The following ECE1 variants were observed in gnomAD, a reference collection of about 807,000 sequenced individuals.
ECE1 encodes the protein endothelin-converting enzyme 1.
ECE1 carries 35 observed loss-of-function variants against 98.6 expected under a neutral mutation model. The observed-to-expected ratio is 0.35, with a 90% CI of 0.27 to 0.47. ECE1 has a LOEUF of 0.47. ECE1 is among the 20% of genes least tolerant of loss of function. The probability of loss-of-function intolerance (pLI) is 1.00; values close to 1 mark genes in which losing one functional copy is unlikely to be tolerated. For synonymous variants in ECE1, 394 were observed against 407.1 expected (o/e 0.97, Z 0.39); for missense variants, 814 against 1,025.3 (o/e 0.79, Z 2.81).
chr1:21,247,787 G>A (rs1226800153), intron 8 of ECE1, among the ~76,000 whole-genome samples: 1 of 152,172 alleles, frequency 6.6e-6, no homozygotes, highest in Non-Finnish European at 1.5e-5. Context: ...TGTAGACTCT[G>A]CAGCCAAACT....
At chr1:21,257,647 C>T (rs1411116860) in intron 6 of ECE1, 57 bp from the exon 7 acceptor site, 2 of 1,579,454 alleles carry the variant, frequency 1.3e-6, no homozygotes, top group Non-Finnish European at 1.7e-6. Context: ...GTATCCACTG[C>T]ACGGCCTCCT....
intron 1 of ECE1, among the ~76,000 whole-genome samples, chr1:21,336,999 T>G (rs939954756): frequency 1.3e-5 from 2 of 152,086 alleles, no homozygotes; most frequent in Non-Finnish European, 2.9e-5. Flanking sequence ...ACTGCACCAT[T>G]GCACTCCAGC....
At position 21,311,509 on chromosome 1, in the gene ECE1, C is replaced by CAAAAAAAAAAAA. The variant is rs397979522; in HGVS notation, c.4-21365_4-21354dup. Reference sequence around the variant, plus strand: ...GGAACATAGTGAGACCCTGTCTCCACAAAAAAAAAAAAAAAAAAAAATTAG... The same window carrying CAAAAAAAAAAAA: ...GGAACATAGTGAGACCCTGTCTCCACAAAAAAAAAAAAAAAAAAAAAAAAAAAAAAAAATTAG... On this transcript the variant is annotated intron_variant, in intron 1 of 18. Transcript: ENST00000415912. Among the ~76,000 whole-genome samples, 331 of 74,174 alleles carry CAAAAAAAAAAAA rather than the reference C, an allele frequency of 4.5e-3. 14 individuals carry two copies. The highest frequency in any genetic ancestry group is 0.018 in the Middle Eastern group (2 of 110). The allele number at this position is 74,174 out of a possible 152,430, so 48.7% of individuals were successfully genotyped here.
At chr1:21,227,898 A>T (rs2098176378) in intron 15 of ECE1, 33 bp downstream of exon 15, 2 of 1,524,390 alleles carry the variant, frequency 1.3e-6, no homozygotes, top group East Asian at 2.5e-5. Context: ...CTGGGGGAAA[A>T]GAATTGGGGT....
intron 3 of ECE1, among the ~76,000 whole-genome samples, chr1:21,274,330 G>A (rs1019007372): frequency 1.3e-5 from 2 of 152,194 alleles, no homozygotes; most frequent in Non-Finnish European, 2.9e-5. Flanking sequence ...GCTGAGATCC[G>A]TTTCCCCACC....
In ECE1 at chr1:21,221,870, G is replaced by T. The variant is rs1363058909; in HGVS notation, c.2041-28C>A. The T allele has an allele frequency of 5.0e-6, 8 of 1,606,134 alleles. No individual in the cohort carries two copies. In the East Asian group the frequency reaches 8.9e-5, roughly 18 times the overall value. On this transcript the variant is annotated intron_variant, in intron 17 of 18. Transcript: ENST00000374893. ...GGGAGGAGAGAAAACCAAAGCTCAG[G>T]GGTTCCCATGGCAGGTGGTGAAGGA...
chr1:21,316,168 A>C (rs973727877), intron 1 of ECE1, among the ~76,000 whole-genome samples: 3 of 152,234 alleles, frequency 2.0e-5, no homozygotes, highest in African/African-American at 7.2e-5. Flanking sequence ...ACTGTCCTTA[A>C]GGGGTTTTTC....
chr1:21,336,936 CA>C (rs1639315186), intron 1 of ECE1, among the ~76,000 whole-genome samples: 1 of 152,088 alleles, frequency 6.6e-6, no homozygotes, highest in Non-Finnish European at 1.5e-5. Context: ...GAGGCTGAGA[CA>C]GGGGCAGGAG....
intron 1 of ECE1, among the ~76,000 whole-genome samples, chr1:21,306,457 C>T (rs1004560406): frequency 3.3e-5 from 5 of 152,056 alleles, no homozygotes; most frequent in Non-Finnish European, 7.3e-5. Context: ...CCGCCTCGGC[C>T]TCTTGAGTAG....
At chr1:21,284,447 AGAGAAT>A (rs1186576801) in intron 2 of ECE1, among the ~76,000 whole-genome samples, 1 of 152,228 alleles carries the variant, frequency 6.6e-6, no homozygotes, top group Non-Finnish European at 1.5e-5. Context: ...GGAGGCAGAA[AGAGAAT>A]GAGAAGGAGG....
At chr1:21,320,763 C>A (rs1638946221) in intron 1 of ECE1, among the ~76,000 whole-genome samples, 1 of 152,222 alleles carries the variant, frequency 6.6e-6, no homozygotes, top group Non-Finnish European at 1.5e-5. Context: ...TCTTTCTTCC[C>A]CACCCTTCCT....
chr1:21,257,555 GTC>G lies in ECE1; in HGVS notation c.796_797del (p.Asp266LeufsTer7). ...CGTTTTCAGTTTTGTTCAGGTAATA[GTC>G]TCTCGAGGGCAAGCCCAGGCCAGAC... ...DQSGLGLPSR[D>X]YYLNKTENEK... On this transcript the variant is annotated frameshift_variant, in exon 7 of 19. Coordinates refer to ENST00000374893, the MANE Select transcript of ECE1 (RefSeq NM_001397.3). LOFTEE classifies it high-confidence loss of function. 6.2e-7 allele frequency: 1 copy of G among 1,614,256 alleles called. No individual in the cohort carries two copies. Among genetic ancestry groups the G allele is most frequent in the Non-Finnish European group, 8.5e-7 (1 of 1,180,048 alleles).
intron 4 of ECE1, among the ~76,000 whole-genome samples, chr1:21,263,147 A>C (rs1227109467): frequency 6.6e-6 from 1 of 152,102 alleles, no homozygotes; most frequent in Non-Finnish European, 1.5e-5. Context: ...GAGTAGAAGC[A>C]GGGGCTGTGC....
chr1:21,273,846 G>A (rs1389537121), intron 3 of ECE1, among the ~76,000 whole-genome samples: 1 of 152,208 alleles, frequency 6.6e-6, no homozygotes, highest in African/African-American at 2.4e-5. Flanking sequence ...TAAGAGCGAG[G>A]AGACTGGTTT....
chr1:21,287,586 G>A (rs1306334879), intron 2 of ECE1, among the ~76,000 whole-genome samples: 3 of 152,086 alleles, frequency 2.0e-5, no homozygotes, highest in African/African-American at 7.2e-5. Context: ...GCTAGCAACC[G>A]GCCCAAAGGT....
chr1:21,342,947 T>C (rs1448800007), intron 1 of ECE1, among the ~76,000 whole-genome samples: 3 of 152,120 alleles, frequency 2.0e-5, no homozygotes, highest in Non-Finnish European at 4.4e-5. Flanking sequence ...CAGCAACCTT[T>C]TTGCCCTCTT....
At chr1:21,252,846 C>T (rs558136776) in intron 8 of ECE1, among the ~76,000 whole-genome samples, 1 of 152,068 alleles carries the variant, frequency 6.6e-6, no homozygotes. Flanking sequence ...TGGGTGACAT[C>T]GCTAATAACA....
At chr1:21,269,565 G>A (rs185552255) in intron 4 of ECE1, among the ~76,000 whole-genome samples, 2 of 152,318 alleles carry the variant, frequency 1.3e-5, no homozygotes, top group African/African-American at 4.8e-5. Flanking sequence ...CATACAGCTT[G>A]TTTGTAAGAA....
intron 2 of ECE1, among the ~76,000 whole-genome samples, chr1:21,282,965 G>T (rs1319568817): frequency 6.5e-5 from 9 of 138,208 alleles, no homozygotes; most frequent in Non-Finnish European, 6.1e-5. Flanking sequence ...TTTTTGAGAC[G>T]GAGTCTTGCT....
Sources: allele counts gnomAD v4.1 joint callset (sites outside exome capture counted in the v4.1 genomes callset), GRCh38; gene constraint gnomAD v4.1.1; transcripts MANE v1.5; gene names NCBI Gene and HGNC (gene_info 2026-07-23, HGNC 2026-07-21).